Variants in SLFN13 observed in about 807,000 individuals in gnomAD.
The protein encoded by SLFN13 is schlafen family member 13.
SLFN13 carries 43 observed loss-of-function variants against 50.6 expected under a neutral mutation model. That is an observed-to-expected ratio of 0.85 (90% CI 0.67 to 1.09). The LOEUF is 1.09. Ranked by LOEUF, SLFN13 falls within the 50% of genes least tolerant of loss-of-function variation. The pLI, the probability that SLFN13 is intolerant of heterozygous loss-of-function variation, is 0.00. For synonymous variants in SLFN13, 339 were observed against 386.5 expected (o/e 0.88, Z 1.44); for missense variants, 881 against 1,071.1 (o/e 0.82, Z 2.48).
Position 35,440,589 on chromosome 17 carries a change from G to T in SLFN13, c.*6C>A. 6.2e-7 allele frequency: 1 copy of T among 1,613,598 alleles called. No homozygotes were observed. The highest frequency in any genetic ancestry group is 8.5e-7 in the Non-Finnish European group (1 of 1,179,676). On this transcript the variant is annotated 3_prime_UTR_variant, in exon 6 of 6. Coordinates refer to ENST00000285013, the MANE Select transcript of SLFN13 (RefSeq NM_144682.6). ...TTTTGGTTTGGAGTTCTTCCTAATA[G>T]TCACTTCACAGAAAAATATATAGGT...
chr17:35,441,442 C>T lies in SLFN13; in HGVS notation c.1923-76G>A, dbSNP rs565075795. 1,150 of 1,577,326 alleles carry T rather than the reference C, an allele frequency of 7.3e-4. 18 individuals carry two copies. In the South Asian group the frequency reaches 0.012, roughly 17 times the overall value. On this transcript the variant is annotated intron_variant, in intron 5 of 5. Transcript: ENST00000285013. The stretch of plus-strand genomic sequence containing the variant: ...AGAAAATGATTGTATCATGTTCCTC[C>T]GAGCACAGTATATTGCCACAGATCA...
At position 35,445,205 on chromosome 17, in the gene SLFN13, C is replaced by G. The variant is rs1213597651; in HGVS notation, c.476G>C (p.Arg159Thr). Residue 159 changes from arginine to threonine, a missense_variant, in exon 3 of 6, where the codon AGA becomes ACA. Arg to Thr is a moderately conservative substitution (Grantham distance 71). Transcript: ENST00000285013. ...ATTAATCAGATTATATTTGGACTGT[C>G]TTTCCTTGGTCTTCAGGAAATCGAA... ...QAFDFLKTKE[R>T]QSKYNLINEG... 1 of 1,613,734 alleles carries G rather than the reference C, an allele frequency of 6.2e-7. No individual in the cohort carries two copies. Among genetic ancestry groups the G allele is most frequent in the Non-Finnish European group, 8.5e-7 (1 of 1,180,002 alleles).
At chr17:35,443,110 A>C (rs1913009565) in intron 4 of SLFN13, among the ~76,000 whole-genome samples, 1 of 152,188 alleles carries the variant, frequency 6.6e-6, no homozygotes, top group African/African-American at 2.4e-5. Context: ...CAATGTATGA[A>C]GTTAAGCCAT....
At position 35,448,719 on chromosome 17, in the gene SLFN13, T is replaced by G. The variant is rs114401572; in HGVS notation, c.-161+3A>C. ...CCCCGTAGGAGCAGGGACCCTCTCTTACCTCTCAAGCTCCAGCGCGTCAAG... is the reference window on the plus strand; with the variant it reads ...CCCCGTAGGAGCAGGGACCCTCTCTGACCTCTCAAGCTCCAGCGCGTCAAG... On this transcript the variant is annotated splice_donor_region_variant and intron_variant, in intron 1 of 5. Coordinates refer to ENST00000285013, the MANE Select transcript of SLFN13 (RefSeq NM_144682.6). 1,807 of 152,334 alleles carry G rather than the reference T, an allele frequency of 0.012. 30 individuals are homozygous for G. Among genetic ancestry groups the G allele is most frequent in the African/African-American group, 0.042 (1,726 of 41,536 alleles). The allele number at this position is 152,334 out of a possible 1,614,324, so 9.4% of individuals were successfully genotyped here. A position where few individuals can be genotyped will look rare whatever the true frequency, so the allele number is the denominator to read the frequency against.
At position 35,440,780 on chromosome 17, in the gene SLFN13, G is replaced by A. The variant is rs1362242439; in HGVS notation, c.2509C>T (p.Gln837Ter). The change falls in exon 6 of 6, where the codon CAG becomes TAG. Residue 837 changes from glutamine (Q) to a stop codon, truncating the protein, a stop_gained. Transcript: ENST00000285013. LOFTEE classifies it low-confidence loss of function (END_TRUNC). The part of the protein sequence containing the change: ...LKAMRKKMVV[Q>*]LSDACDMLGV... Reference sequence around the variant, plus strand: ...AACATATCACATGCATCACTGAGCTGCACCACCATTTTCTTCCTCATTGCT... The same window carrying A: ...AACATATCACATGCATCACTGAGCTACACCACCATTTTCTTCCTCATTGCT... The A allele has an allele frequency of 1.2e-6, 2 of 1,614,062 alleles. No individual in the cohort carries two copies. The highest frequency in any genetic ancestry group is 1.1e-5 in the South Asian group (1 of 91,072).
rs140193866 is a variant in SLFN13 at position 35,445,326 on chromosome 17, T to A, written c.355A>T (p.Lys119Ter). The A allele has an allele frequency of 1.9e-6, 3 of 1,613,822 alleles. No individual in the cohort carries two copies. In the African/African-American group the frequency reaches 4.0e-5, roughly 22 times the overall value. The change falls in exon 3 of 6, where the codon AAA (lysine) becomes TAA (stop). Residue 119 changes from lysine (K) to a stop codon, truncating the protein, a stop_gained. Coordinates refer to ENST00000285013, the MANE Select transcript of SLFN13 (RefSeq NM_144682.6). LOFTEE classifies it high-confidence loss of function. ...ATGCGGGAATTGAAAGAACCATCTT[T>A]AAGGAAAGGATCACCACTCCAAGAT... is the stretch of plus-strand genomic sequence containing the variant. ...VKSWSGDPFL[K>*]DGSFNSRICS...
In SLFN13 at chr17:35,438,411, T is replaced by C. The variant is rs1912699975; in HGVS notation, c.*2184A>G. 6.6e-6 allele frequency: 1 copy of C among 152,054 alleles called. No individual in the cohort carries two copies. Among genetic ancestry groups the C allele is most frequent in the Non-Finnish European group, 1.5e-5 (1 of 68,014 alleles). The allele number at this position is 152,054 out of a possible 1,614,324, so 9.4% of individuals were successfully genotyped here. On this transcript the variant is annotated 3_prime_UTR_variant, in exon 6 of 6. Transcript: ENST00000285013. ...ATTTATATATTTTAAAATATGATACTGTTTCAAATATTACTAGGGCAATAA... is the reference window on the plus strand; with the variant it reads ...ATTTATATATTTTAAAATATGATACCGTTTCAAATATTACTAGGGCAATAA...
At position 35,441,094 on chromosome 17, in the gene SLFN13, C is replaced by G. The variant is rs773376464; in HGVS notation, c.2195G>C (p.Arg732Pro). The part of the protein sequence containing the change: ...YPREELTRVV[R>P]NADEIAEYIQ... ...GTACTCGGCTATTTCATCTGCATTG[C>G]GAACTACTCTGGTGAGCTCTTCTCT... is the stretch of plus-strand genomic sequence containing the variant. The change falls in exon 6 of 6, where the codon CGC becomes CCC. Residue 732 changes from arginine to proline, a missense_variant. Transcript: ENST00000285013. The G allele has an allele frequency of 1.2e-6, 2 of 1,613,898 alleles. No individual in the cohort carries two copies. Among genetic ancestry groups the G allele is most frequent in the African/African-American group, 1.3e-5 (1 of 74,896 alleles).
In SLFN13 at chr17:35,441,967, C is replaced by G. The variant is rs1011516676; in HGVS notation, c.1518G>C (p.Gly506=). 1.5e-5 allele frequency: 24 copies of G among 1,613,902 alleles called. No individual in the cohort carries two copies. The Admixed American group carries it at 1.7e-4, about 11-fold the overall frequency. ...GGACCTTGGCCCTGACACACACCTTCCCGGTGTAGCCCCCCATGTTCACTA... is the reference window on the plus strand; with the variant it reads ...GGACCTTGGCCCTGACACACACCTTGCCGGTGTAGCCCCCCATGTTCACTA... ...QKLVNMGGYT[G]KVCVRAKVLC... Residue 506 remains glycine (G), a synonymous_variant, in exon 5 of 6, where the codon GGG becomes GGC. Transcript: ENST00000285013.
rs1403336601 is a variant in SLFN13, at chr17:35,439,161, C to A, written c.*1434G>T. On this transcript the variant is annotated 3_prime_UTR_variant, in exon 6 of 6. Transcript: ENST00000285013. Reference sequence around the variant, plus strand: ...TTTGTGTGCACAGGGAGGAAGGGAACAAGCTCTCTGGGGTCTCTCCCTATA... The same window carrying A: ...TTTGTGTGCACAGGGAGGAAGGGAAAAAGCTCTCTGGGGTCTCTCCCTATA... The A allele has an allele frequency of 6.6e-6, 1 of 151,996 alleles. No homozygotes were observed. Among genetic ancestry groups the A allele is most frequent in the Admixed American group, 6.6e-5 (1 of 15,258 alleles). The allele number at this position is 151,996 out of a possible 1,614,324, so 9.4% of individuals were successfully genotyped here.
At chr17:35,449,675 C>T (rs1477381337), upstream of SLFN13, among the ~76,000 whole-genome samples, 2 of 152,190 alleles carry the variant, frequency 1.3e-5, no homozygotes, top group African/African-American at 2.4e-5. Flanking sequence ...GAAACCCATA[C>T]ACTCGGACAG....
At chr17:35,446,572 T>C (rs756829389) in intron 2 of SLFN13, 7 of 152,238 alleles carry the variant, frequency 4.6e-5, no homozygotes, top group Non-Finnish European at 1.0e-4. Flanking sequence ...ATTATGAAGA[T>C]TAACTCAGAT....
At chr17:35,443,966 C>T (rs912683050) in intron 3 of SLFN13, 46 bp from the exon 4 acceptor site, 7 of 1,587,452 alleles carry the variant, frequency 4.4e-6, no homozygotes, top group Admixed American at 3.4e-5. Context: ...TTTCATGTCT[C>T]GCTATTGGAA....
At chr17:35,445,874 A>T in intron 2 of SLFN13, 181 bp from the exon 3 acceptor site, 1 of 542,902 alleles carries the variant, frequency 1.8e-6, no homozygotes, top group Non-Finnish European at 3.2e-6. Context: ...TAATGAAATT[A>T]GCCTTTACCA....
At position 35,436,705 on chromosome 17, in the gene SLFN13, C is replaced by A. The variant is rs553743858; in HGVS notation, c.*3890G>T. On this transcript the variant is annotated 3_prime_UTR_variant, in exon 6 of 6. Transcript: ENST00000285013. Reference sequence around the variant, plus strand: ...CATAACCTGAATCTAATCATGAGAACACATGAAATGACCCAAAATCAGATA... The same window carrying A: ...CATAACCTGAATCTAATCATGAGAAAACATGAAATGACCCAAAATCAGATA... 1.3e-5 allele frequency: 2 copies of A among 152,202 alleles called. No homozygotes were observed. Among genetic ancestry groups the A allele is most frequent in the East Asian group, 3.9e-4 (2 of 5,188 alleles). 9.4% of individuals were successfully genotyped at this position (152,202 alleles called of 1,614,324 possible).
chr17:35,437,014 C>T lies in SLFN13; in HGVS notation c.*3581G>A, dbSNP rs1050234237. ...CTATAAATGTCCTTTTAGGAAACAC[C>T]CACTGAAGTATTTAGTGGTAAATGG... On this transcript the variant is annotated 3_prime_UTR_variant, in exon 6 of 6. Coordinates refer to ENST00000285013, the MANE Select transcript of SLFN13 (RefSeq NM_144682.6). 8.6e-5 allele frequency: 13 copies of T among 151,826 alleles called. No individual in the cohort carries two copies. Among genetic ancestry groups the T allele is most frequent in the Non-Finnish European group, 1.8e-4 (12 of 67,980 alleles). The allele number at this position is 151,826 out of a possible 1,614,324, so 9.4% of individuals were successfully genotyped here. A position where few individuals can be genotyped will look rare whatever the true frequency, so the allele number is the denominator to read the frequency against.
intron 1 of SLFN13, among the ~76,000 whole-genome samples, 173 bp downstream of exon 1, chr17:35,448,549 C>T (rs537627571): frequency 6.6e-6 from 1 of 152,340 alleles, no homozygotes; most frequent in Non-Finnish European, 1.5e-5. Context: ...AGGGGAGAAG[C>T]ACGCAAATAC....
At position 35,437,904 on chromosome 17, in the gene SLFN13, C is replaced by T. The variant is rs1220864073; in HGVS notation, c.*2691G>A. The T allele has an allele frequency of 6.6e-6, 1 of 152,074 alleles. No individual in the cohort carries two copies. The highest frequency in any genetic ancestry group is 1.5e-5 in the Non-Finnish European group (1 of 68,020). 9.4% of individuals were successfully genotyped at this position (152,074 alleles called of 1,614,324 possible). ...TTTCAGATCTTTAATGAAGCAGGTC[C>T]TATATGACTAGAGCCAAATTACAGA... On this transcript the variant is annotated 3_prime_UTR_variant, in exon 6 of 6. Transcript: ENST00000285013.
Position 35,445,534 on chromosome 17 carries a change from G to A in SLFN13, c.147C>T (p.Ala49=), listed in dbSNP as rs539895892. Residue 49 remains alanine (A), a synonymous_variant, in exon 3 of 6, where the codon GCC becomes GCT. Coordinates refer to ENST00000285013, the MANE Select transcript of SLFN13 (RefSeq NM_144682.6). ...CTCCTGAGTTTAATAAAGCACACGCGGCCCGTATAACTCTCGCCCTCTCTT... is the reference window on the plus strand; with the variant it reads ...CTCCTGAGTTTAATAAAGCACACGCAGCCCGTATAACTCTCGCCCTCTCTT... The part of the protein sequence containing the change: ...RDQERARVIR[A]ACALLNSGGG... The A allele has an allele frequency of 1.6e-5, 26 of 1,613,956 alleles. No individual in the cohort carries two copies. The highest frequency in any genetic ancestry group is 9.3e-5 in the African/African-American group (7 of 74,950).
Sources: gnomAD v4.1 joint callset for allele counts (sites outside exome capture counted in the v4.1 genomes callset) on GRCh38, gnomAD v4.1.1 for gene constraint, MANE v1.5 for transcripts, NCBI Gene and HGNC (gene_info 2026-07-23, HGNC 2026-07-21) for gene names.